Variants in MCF2L observed in about 807,000 individuals in gnomAD.
MCF2L encodes the protein guanine nucleotide exchange factor DBS.
In MCF2L, 97 loss-of-function variants were observed where a neutral mutation model predicts 153.4. That is an observed-to-expected ratio of 0.63 (90% confidence interval 0.54 to 0.75). The LOEUF (loss-of-function observed/expected upper bound fraction) is 0.75, where lower values mean the gene tolerates loss of function less well. MCF2L is among the 30% of genes least tolerant of loss of function. The pLI is 0.00. For synonymous variants in MCF2L, 659 were observed against 632.2 expected, an observed-to-expected ratio of 1.04 and a Z score of -0.64; for missense variants, 1,347 against 1,495.2, an observed-to-expected ratio of 0.90 and a Z score of 1.64.
intron 3 of MCF2L, among the ~76,000 whole-genome samples, chr13:113,041,836 C>T (rs2086513185): frequency 6.6e-6 from 1 of 152,030 alleles, no homozygotes; most frequent in African/African-American, 2.4e-5. Context: ...GGGTCAGGTC[C>T]CTGCTTGGTG....
intron 2 of MCF2L, among the ~76,000 whole-genome samples, chr13:112,913,356 G>A (rs974763600): frequency 3.9e-5 from 6 of 152,104 alleles, no homozygotes; most frequent in African/African-American, 1.5e-4. Flanking sequence ...GGCAAACCCA[G>A]AACAGAACAT....
chr13:113,009,359 A>T (rs1411261244), intron 1 of MCF2L: 1 of 152,264 alleles, frequency 6.6e-6, no homozygotes, highest in African/African-American at 2.4e-5. Context: ...GTCACTGTGT[A>T]TGTGACATGA....
chr13:113,093,568 C>T (rs552673274), intron 26 of MCF2L: 2 of 117,356 alleles, frequency 1.7e-5, no homozygotes, highest in South Asian at 2.8e-4. Flanking sequence ...TCCGTGCACG[C>T]AGCTCCTCTG....
intron 2 of MCF2L, among the ~76,000 whole-genome samples, chr13:112,916,269 A>G (rs1292625460): frequency 6.7e-6 from 1 of 150,310 alleles, no homozygotes; most frequent in Non-Finnish European, 1.5e-5. Context: ...TTCCTTGATT[A>G]GGTTAGCGGA....
Position 113,027,204 on chromosome 13 carries a change from T to C in MCF2L, c.278+2446T>C, listed in dbSNP as rs965449537. On this transcript the variant is annotated intron_variant, in intron 3 of 29. Coordinates refer to ENST00000535094, the MANE Select transcript of MCF2L (RefSeq NM_001112732.3). The surrounding 1 kb of genome is among the most constrained non-coding windows in gnomAD (Gnocchi z 4.8). ...TCAGTCTTTAAAGACAACAGCGCAC[T>C]GGGCCTGGTAACTGAGAGCTCAGCC... The C allele has an allele frequency of 3.0e-5, 18 of 609,330 alleles. No individual in the cohort carries two copies. Among genetic ancestry groups the C allele is most frequent in the Admixed American group, 1.2e-4 (5 of 42,922 alleles). 37.7% of individuals were successfully genotyped at this position (609,330 alleles called of 1,614,324 possible). A position where few individuals can be genotyped will look rare whatever the true frequency, so the allele number is the denominator to read the frequency against.
chr13:113,012,644 A>G (rs1390998930), intron 1 of MCF2L, among the ~76,000 whole-genome samples: 1 of 104,844 alleles, frequency 9.5e-6, no homozygotes, highest in East Asian at 2.8e-4. Flanking sequence ...GACGGTGGAC[A>G]CTGTGATGCG....
rs1415361123 is a variant in MCF2L, at chr13:113,028,694, C to G, written c.278+3936C>G. 1.3e-5 allele frequency among the ~76,000 whole-genome samples: 2 copies of G among 152,346 alleles called. No individual in the cohort carries two copies. The highest frequency in any genetic ancestry group is 2.9e-5 in the Non-Finnish European group (2 of 68,034). On this transcript the variant is annotated intron_variant, in intron 3 of 29. Coordinates refer to ENST00000535094, the MANE Select transcript of MCF2L (RefSeq NM_001112732.3). This position sits in a 1 kb window ranked among gnomAD's most constrained non-coding sequence, Gnocchi z 5.4. ...AGAGGCCTTTCTATCACCAAACGCT[C>G]TAAATCAGATCCTGGAAATGCCAGC...
chr13:112,949,859 C>T (rs894173304), intron 2 of MCF2L, among the ~76,000 whole-genome samples: 3 of 152,116 alleles, frequency 2.0e-5, no homozygotes, highest in Admixed American at 1.3e-4. Flanking sequence ...CTGCCTTCAT[C>T]GCTTTTATTC....
chr13:112,970,859 C>A (rs916766524), intron 1 of MCF2L, among the ~76,000 whole-genome samples: 1 of 152,136 alleles, frequency 6.6e-6, no homozygotes, highest in East Asian at 1.9e-4. Flanking sequence ...GCGAGCCGGG[C>A]GCTCGGTGTG....
In MCF2L at chr13:113,053,932, C is replaced by T. The variant is rs2087545232; in HGVS notation, c.370-6661C>T. 6.6e-6 allele frequency among the ~76,000 whole-genome samples: 1 copy of T among 152,158 alleles called. No homozygotes were observed. Among genetic ancestry groups the T allele is most frequent in the Admixed American group, 6.5e-5 (1 of 15,282 alleles). On this transcript the variant is annotated intron_variant, in intron 4 of 29. Transcript: ENST00000535094. This position sits in a 1 kb window ranked among gnomAD's most constrained non-coding sequence, Gnocchi z 4.4. ...GTTGACCAGAAAAACAACCCGAATA[C>T]TCCTCAACTCTTGATGGGAGCTCAG...
At chr13:113,095,573 A>G (rs2035576286) in intron 27 of MCF2L, 2 of 998,692 alleles carry the variant, frequency 2.0e-6, no homozygotes, top group African/African-American at 3.5e-5. Flanking sequence ...CCATCACGTG[A>G]GGGCAGGCAG....
At position 112,940,535 on chromosome 13, in the gene MCF2L, C is replaced by A. The variant is rs1260405286; in HGVS notation, c.169+38164C>A. 2.0e-5 allele frequency among the ~76,000 whole-genome samples: 3 copies of A among 152,384 alleles called. No individual in the cohort carries two copies. In the East Asian group the frequency reaches 5.8e-4, roughly 29 times the overall value. On this transcript the variant is annotated intron_variant, in intron 2 of 29. Coordinates refer to the MCF2L transcript ENST00000375608. Reference sequence around the variant, plus strand: ...CCCTACCCGCTGCCTATGTGGGTCACCTCTCAGTGGGTTTCAGGGACACGG... The same window carrying A: ...CCCTACCCGCTGCCTATGTGGGTCAACTCTCAGTGGGTTTCAGGGACACGG...
chr13:113,031,097 A>AGAGT lies in MCF2L; in HGVS notation c.278+6341_278+6342insGTGA, dbSNP rs2085668604. ...GACAGACAGATACAGACAGAGACAG[A>AGAGT]GACAGAGAGAGACAGAGACAGAGAG... On this transcript the variant is annotated intron_variant, in intron 3 of 29. Coordinates refer to ENST00000535094, the MANE Select transcript of MCF2L (RefSeq NM_001112732.3). This position sits in a 1 kb window ranked among gnomAD's most constrained non-coding sequence, Gnocchi z 5.5. Among the ~76,000 whole-genome samples the AGAGT allele has an allele frequency of 6.7e-6, 1 of 149,926 alleles. No individual in the cohort carries two copies. The highest frequency in any genetic ancestry group is 1.5e-5 in the Non-Finnish European group (1 of 67,878).
chr13:113,042,037 T>C (rs1594797466), intron 3 of MCF2L, among the ~76,000 whole-genome samples: 3 of 152,290 alleles, frequency 2.0e-5, no homozygotes, highest in South Asian at 4.1e-4. Context: ...GCTGTAGGGC[T>C]GTTGGCACAG....
At chr13:112,897,476 A>G (rs1330328146) in intron 1 of MCF2L, among the ~76,000 whole-genome samples, 1 of 152,196 alleles carries the variant, frequency 6.6e-6, no homozygotes, top group East Asian at 1.9e-4. Flanking sequence ...AGCAGGGACA[A>G]TGATGGCTCA....
chr13:112,994,682 G>C (rs1262379155), intron 1 of MCF2L, among the ~76,000 whole-genome samples: 1 of 152,242 alleles, frequency 6.6e-6, no homozygotes, highest in Non-Finnish European at 1.5e-5. Flanking sequence ...ATCCCGGGCA[G>C]TAAATCCAGC....
upstream of MCF2L, chr13:112,968,005 A>G (rs187057775): frequency 4.1e-5 from 8 of 194,096 alleles, no homozygotes; most frequent in East Asian, 1.3e-3. Flanking sequence ...GCATGTGCAC[A>G]TGTTATTGGC....
At chr13:112,947,647 C>T (rs1196671842) in intron 2 of MCF2L, among the ~76,000 whole-genome samples, 1 of 152,228 alleles carries the variant, frequency 6.6e-6, no homozygotes, top group Non-Finnish European at 1.5e-5. Flanking sequence ...CTCCATGCCC[C>T]ACCTTCTGGA....
chr13:113,046,886 G>C lies in MCF2L; in HGVS notation c.369+1525G>C. ...CTTCCTTTGTTTTAACAGTGCGTTC[G>C]TTTGCTTTTGCGTCACTATAAAGAC... On this transcript the variant is annotated intron_variant, in intron 4 of 29. Transcript: ENST00000535094. The surrounding 1 kb of genome is among the most constrained non-coding windows in gnomAD (Gnocchi z 4.4). 2 of 287,344 alleles carry C rather than the reference G, an allele frequency of 7.0e-6. No homozygotes were observed. The highest frequency in any genetic ancestry group is 3.1e-5 in the South Asian group (1 of 32,110). The allele number at this position is 287,344 out of a possible 1,614,324, so 17.8% of individuals were successfully genotyped here. A position where few individuals can be genotyped will look rare whatever the true frequency, so the allele number is the denominator to read the frequency against.
Sources: allele counts gnomAD v4.1 joint callset (sites outside exome capture counted in the v4.1 genomes callset), GRCh38; gene constraint gnomAD v4.1.1; non-coding constraint Gnocchi (gnomAD v3.1); transcripts MANE v1.5; gene names NCBI Gene and HGNC (gene_info 2026-07-23, HGNC 2026-07-21).